The following GNAQ variants were observed in gnomAD, a reference collection of about 807,000 sequenced individuals.
The protein encoded by GNAQ is G protein subunit alpha q.
In GNAQ, 8 loss-of-function variants were observed where a neutral mutation model predicts 43.9. The observed-to-expected ratio is 0.18, with a 90% CI of 0.11 to 0.33. The LOEUF (loss-of-function observed/expected upper bound fraction) is 0.33, where lower values mean the gene tolerates loss of function less well. Ranked by LOEUF, GNAQ falls within the 10% of genes least tolerant of loss-of-function variation. The probability of loss-of-function intolerance (pLI) is 1.00; values close to 1 mark genes in which losing one functional copy is unlikely to be tolerated. For missense variants in GNAQ, 158 were observed against 450.8 expected (o/e 0.35, Z 5.88); for synonymous variants, 155 against 170.7 (o/e 0.91, Z 0.71).
intron 1 of GNAQ, among the ~76,000 whole-genome samples, chr9:77,988,221 T>A (rs1291638859): frequency 6.6e-6 from 1 of 152,234 alleles, no homozygotes; most frequent in Admixed American, 6.5e-5. Flanking sequence ...CTCTAACATT[T>A]TAGCTTCAGC....
intron 5 of GNAQ, among the ~76,000 whole-genome samples, chr9:77,758,185 T>TA (rs1825934116): frequency 6.6e-6 from 1 of 152,248 alleles, no homozygotes; most frequent in Admixed American, 6.5e-5. Flanking sequence ...ACATTTGTCT[T>TA]ACATTTGCTT....
chr9:77,795,970 G>GTC (rs1826652050), intron 4 of GNAQ, among the ~76,000 whole-genome samples: 1 of 152,194 alleles, frequency 6.6e-6, no homozygotes, highest in Non-Finnish European at 1.5e-5. Context: ...GCAATAAGGA[G>GTC]ATGAAAATCC....
chr9:77,899,250 C>T (rs1035854185), intron 2 of GNAQ, among the ~76,000 whole-genome samples: 2 of 152,078 alleles, frequency 1.3e-5, no homozygotes, highest in African/African-American at 4.8e-5. Flanking sequence ...GCATGCACCA[C>T]CACACCCAGC....
intron 1 of GNAQ, among the ~76,000 whole-genome samples, chr9:78,029,385 CTTT>C (rs1824021215): frequency 1.3e-5 from 2 of 151,914 alleles, no homozygotes; most frequent in African/African-American, 4.8e-5. Context: ...TTCTTTTGTT[CTTT>C]ATTTTCTTCT....
At chr9:77,782,407 T>G (rs987922847) in intron 5 of GNAQ, among the ~76,000 whole-genome samples, 3 of 152,174 alleles carry the variant, frequency 2.0e-5, no homozygotes, top group Non-Finnish European at 2.9e-5. Context: ...TTCTGTATCA[T>G]AAGTCATTAG....
intron 1 of GNAQ, among the ~76,000 whole-genome samples, chr9:77,968,496 T>G (rs915718894): frequency 6.6e-6 from 1 of 152,232 alleles, no homozygotes; most frequent in Non-Finnish European, 1.5e-5. Context: ...CCTCTTGAAC[T>G]ACAAAGTTTA....
intron 1 of GNAQ, among the ~76,000 whole-genome samples, chr9:78,025,669 C>G (rs998565073): frequency 5.3e-5 from 8 of 152,168 alleles, no homozygotes; most frequent in African/African-American, 1.9e-4. Flanking sequence ...AGGGAGAAAG[C>G]AATCCTAACC....
At chr9:77,988,933 A>T (rs555845300) in intron 1 of GNAQ, among the ~76,000 whole-genome samples, 1 of 152,316 alleles carries the variant, frequency 6.6e-6, no homozygotes, top group African/African-American at 2.4e-5. Flanking sequence ...ATGATCAGAG[A>T]TGAGTGTCAG....
intron 5 of GNAQ, among the ~76,000 whole-genome samples, chr9:77,757,528 T>C (rs1054943420): frequency 6.6e-6 from 1 of 152,216 alleles, no homozygotes; most frequent in Admixed American, 6.5e-5. Context: ...TTCACATCTG[T>C]ATCTCTTAGA....
At chr9:77,921,657 A>C (rs1170322420) in intron 2 of GNAQ, among the ~76,000 whole-genome samples, 1 of 152,214 alleles carries the variant, frequency 6.6e-6, no homozygotes, top group Non-Finnish European at 1.5e-5. Flanking sequence ...GGTTATTGGA[A>C]GTGACAGATG....
At chr9:77,938,018 C>T (rs1026528802) in intron 1 of GNAQ, among the ~76,000 whole-genome samples, 4 of 152,028 alleles carry the variant, frequency 2.6e-5, no homozygotes, top group Admixed American at 6.6e-5. Context: ...CAGGACAACC[C>T]TCACCCCTCC....
At chr9:77,792,098 G>C (rs1441125829) in intron 5 of GNAQ, among the ~76,000 whole-genome samples, 1 of 152,134 alleles carries the variant, frequency 6.6e-6, no homozygotes, top group Non-Finnish European at 1.5e-5. Context: ...CCTAATTACA[G>C]ACAGTGATAG....
chr9:77,872,131 T>C (rs1828048637), intron 2 of GNAQ, among the ~76,000 whole-genome samples: 1 of 152,240 alleles, frequency 6.6e-6, no homozygotes, highest in South Asian at 2.1e-4. Flanking sequence ...CATATTTTAT[T>C]ATATGCTATT....
At chr9:77,728,708 T>G in intron 5 of GNAQ, 41 bp from the exon 6 acceptor site, 1 of 1,326,456 alleles carries the variant, frequency 7.5e-7, no homozygotes, top group South Asian at 1.3e-5. Context: ...AGGAGTGAAT[T>G]ACATGATTAC....
At position 77,717,260 on chromosome 9, in the gene GNAQ, A is replaced by T. The variant is rs143332305; in HGVS notation, c.*4063T>A. On this transcript the variant is annotated 3_prime_UTR_variant, in exon 7 of 7. Transcript: ENST00000286548. ...TACCAAGCACACCTTATTTGTATCAATTGAGATGTTGATTACCAATTAAGT... is the reference window on the plus strand; with the variant it reads ...TACCAAGCACACCTTATTTGTATCATTTGAGATGTTGATTACCAATTAAGT... The T allele has an allele frequency of 2.6e-4, 61 of 232,478 alleles. No individual in the cohort carries two copies. The highest frequency in any genetic ancestry group is 1.3e-3 in the African/African-American group (59 of 45,434). The allele number at this position is 232,478 out of a possible 1,614,324, so 14.4% of individuals were successfully genotyped here.
At chr9:77,792,478 C>T (rs1360173792) in intron 5 of GNAQ, among the ~76,000 whole-genome samples, 2 of 151,938 alleles carry the variant, frequency 1.3e-5, no homozygotes, top group African/African-American at 4.8e-5. Context: ...ACATAATATA[C>T]TTTTATATAA....
At chr9:77,722,510 T>TTG (rs1229911714) in intron 6 of GNAQ, among the ~76,000 whole-genome samples, 1 of 152,186 alleles carries the variant, frequency 6.6e-6, no homozygotes, top group African/African-American at 2.4e-5. Context: ...TGAAAAAGGA[T>TTG]TGTGACATAT....
At position 77,762,717 on chromosome 9, in the gene GNAQ, G is replaced by T. The variant is rs1216243334; in HGVS notation, c.735+31746C>A. On this transcript the variant is annotated intron_variant, in intron 5 of 6. Transcript: ENST00000286548. Reference sequence around the variant, plus strand: ...GGTTGCCGTGTCTGTGTGGAAAGAAGTAGACATGGGAGACTTTTCATTTTG... The same window carrying T: ...GGTTGCCGTGTCTGTGTGGAAAGAATTAGACATGGGAGACTTTTCATTTTG... Among the ~76,000 whole-genome samples, 5 of 152,196 alleles carry T rather than the reference G, an allele frequency of 3.3e-5. No homozygotes were observed. The South Asian group carries it at 6.2e-4, about 19-fold the overall frequency.
intron 1 of GNAQ, among the ~76,000 whole-genome samples, chr9:77,955,206 G>A (rs1014821698): frequency 6.6e-6 from 1 of 152,088 alleles, no homozygotes; most frequent in Non-Finnish European, 1.5e-5. Context: ...GCGGTGGCAC[G>A]ATCTTGGCTC....
Sources: gnomAD v4.1 joint callset for allele counts (sites outside exome capture counted in the v4.1 genomes callset) on GRCh38, gnomAD v4.1.1 for gene constraint, MANE v1.5 for transcripts, NCBI Gene and HGNC (gene_info 2026-07-23, HGNC 2026-07-21) for gene names.